The following KANSL1L variants were observed in gnomAD, a reference collection of about 807,000 sequenced individuals.
KANSL1L encodes KAT8 regulatory NSL complex subunit 1 like.
Under a neutral mutation model 108.6 loss-of-function variants are expected in KANSL1L, and 25 were observed. The observed-to-expected ratio is 0.23, with a 90% CI of 0.17 to 0.32. KANSL1L has a LOEUF of 0.32. KANSL1L is among the 10% of genes least tolerant of loss of function. KANSL1L has a pLI of 1.00. For synonymous variants in KANSL1L, 405 were observed against 395.1 expected (o/e 1.03, Z -0.30); for missense variants, 1,137 against 1,125.7 (o/e 1.01, Z -0.14).
At chr2:210,084,590 CTG>C (rs369088097) in intron 5 of KANSL1L, among the ~76,000 whole-genome samples, 62 of 152,108 alleles carry the variant, frequency 4.1e-4, no homozygotes, top group African/African-American at 1.4e-3. Flanking sequence ...AAAATATACT[CTG>C]AGCAATATAG....
chr2:210,062,188 A>G (rs564767145), intron 6 of KANSL1L, among the ~76,000 whole-genome samples: 2 of 152,284 alleles, frequency 1.3e-5, no homozygotes, highest in Non-Finnish European at 2.9e-5. Context: ...GTGATAGTGA[A>G]TAAGTCTCAT....
intron 5 of KANSL1L, among the ~76,000 whole-genome samples, chr2:210,087,976 A>T (rs928121249): frequency 6.6e-6 from 1 of 150,932 alleles, no homozygotes; most frequent in Non-Finnish European, 1.5e-5. Context: ...AGGTGGTGTC[A>T]TTTTTTTTTC....
At chr2:210,146,472 C>T (rs1471041607) in intron 2 of KANSL1L, among the ~76,000 whole-genome samples, 1 of 152,216 alleles carries the variant, frequency 6.6e-6, no homozygotes, top group African/African-American at 2.4e-5. Context: ...TGCATAACTT[C>T]TGCAAAAGGG....
intron 3 of KANSL1L, among the ~76,000 whole-genome samples, chr2:210,105,308 ATATAT>A (rs1170199079): frequency 6.7e-6 from 1 of 148,164 alleles, no homozygotes; most frequent in Admixed American, 6.8e-5. Flanking sequence ...CTGATATTAC[ATATAT>A]TATATATTAT....
chr2:210,153,366 T>TAA (rs368253256), intron 2 of KANSL1L, 129 bp downstream of exon 2: 209 of 596,038 alleles, frequency 3.5e-4, no homozygotes, highest in South Asian at 6.1e-4. Flanking sequence ...AAATAAAAAT[T>TAA]AAAAAAAAAA....
At chr2:210,061,113 T>C (rs1440475183) in intron 6 of KANSL1L, among the ~76,000 whole-genome samples, 2 of 152,238 alleles carry the variant, frequency 1.3e-5, no homozygotes, top group Non-Finnish European at 2.9e-5. Flanking sequence ...AATACACTTC[T>C]TGACTTATTC....
At chr2:210,034,674 G>A (rs537652196) in intron 8 of KANSL1L, among the ~76,000 whole-genome samples, 4 of 152,332 alleles carry the variant, frequency 2.6e-5, no homozygotes, top group Non-Finnish European at 4.4e-5. Flanking sequence ...GTTGGACTGT[G>A]AGAGTAGTCG....
chr2:210,138,784 T>C (rs561216176), intron 2 of KANSL1L, among the ~76,000 whole-genome samples: 10 of 152,136 alleles, frequency 6.6e-5, no homozygotes, highest in Non-Finnish European at 1.0e-4. Context: ...GGTAACAACA[T>C]TGAAAATATC....
At chr2:210,024,499 T>TA (rs1175170185) in intron 13 of KANSL1L, among the ~76,000 whole-genome samples, 26 of 152,274 alleles carry the variant, frequency 1.7e-4, no homozygotes, top group Admixed American at 1.3e-4. Context: ...GCTCCTTAAC[T>TA]AAAGTGACTA....
At chr2:210,071,515 C>G (rs1337110820) in intron 6 of KANSL1L, among the ~76,000 whole-genome samples, 1 of 152,046 alleles carries the variant, frequency 6.6e-6, no homozygotes. Flanking sequence ...GTGATCCACC[C>G]CCCTCGGCCT....
intron 1 of KANSL1L, chr2:210,170,347 A>C: frequency 1.0e-6 from 1 of 985,234 alleles, no homozygotes; most frequent in Non-Finnish European, 1.2e-6. Flanking sequence ...CACAGTTCAA[A>C]CAAAAAAACA....
intron 6 of KANSL1L, among the ~76,000 whole-genome samples, chr2:210,057,324 C>A (rs989856458): frequency 6.6e-6 from 1 of 152,156 alleles, no homozygotes; most frequent in African/African-American, 2.4e-5. Flanking sequence ...ATCACTTGAA[C>A]CCTGGAGGCA....
At position 210,162,583 on chromosome 2, in the gene KANSL1L, T is replaced by C. The variant is rs374020857; in HGVS notation, c.-29-7972A>G. Among the ~76,000 whole-genome samples the C allele has an allele frequency of 1.3e-4, 20 of 152,168 alleles. 1 individual carries two copies. Among genetic ancestry groups the C allele is most frequent in the African/African-American group, 4.8e-4 (20 of 41,508 alleles). On this transcript the variant is annotated intron_variant, in intron 1 of 14. Coordinates refer to ENST00000281772, the MANE Select transcript of KANSL1L (RefSeq NM_152519.4). ...AGATTATTTTGCAGAGTCACTGGCA[T>C]ATAAATAGTATTTACCCTAGGGAGT...
At chr2:210,160,297 C>T (rs2095355010) in intron 1 of KANSL1L, among the ~76,000 whole-genome samples, 1 of 151,988 alleles carries the variant, frequency 6.6e-6, no homozygotes, top group Admixed American at 6.6e-5. Flanking sequence ...AGACATTTCT[C>T]ACCACTCATA....
At chr2:210,095,917 C>A (rs1201192667) in intron 5 of KANSL1L, among the ~76,000 whole-genome samples, 1 of 152,012 alleles carries the variant, frequency 6.6e-6, no homozygotes, top group African/African-American at 2.4e-5. Context: ...ACATTATGTA[C>A]CAACTATTTT....
chr2:210,103,890 T>C (rs1335503967), intron 4 of KANSL1L: 2 of 280,406 alleles, frequency 7.1e-6, no homozygotes, highest in Non-Finnish European at 1.3e-5. Context: ...CCAATTCCAT[T>C]ACTTTACATA....
intron 1 of KANSL1L, among the ~76,000 whole-genome samples, chr2:210,164,853 CTGTTTTTTTTTTTT>C (rs1480043692): frequency 1.4e-5 from 2 of 147,478 alleles, no homozygotes; most frequent in Non-Finnish European, 3.0e-5. Context: ...TTTATTTTTT[CTGTTTTTTTTTTTT>C]TGTTTTTTTT....
intron 7 of KANSL1L, 41 bp downstream of exon 7, chr2:210,043,898 A>C (rs778860506): frequency 7.3e-7 from 1 of 1,367,468 alleles, no homozygotes; most frequent in South Asian, 1.5e-5. Context: ...ATTTCAGTAC[A>C]GAAAATATCG....
rs776819610 is a variant in KANSL1L, at chr2:210,153,842, C to T, written c.741G>A (p.Met247Ile). 6.2e-7 allele frequency: 1 copy of T among 1,612,506 alleles called. No homozygotes were observed. Among genetic ancestry groups the T allele is most frequent in the South Asian group, 1.1e-5 (1 of 90,694 alleles). ...GCTTAACAACATGCTTTGCCAGGAG[C>T]ATCTGCAAATGTTTCTGAGTTCTTC... ...QARRTQKHLQ[M>I]LLAKHVVKHY... Residue 247 changes from methionine (M) to isoleucine (I), a missense_variant, in exon 2 of 15, where the codon ATG becomes ATA. Physicochemically the swap from Met to Ile is conservative, Grantham distance 10. Around this residue, in one of 3 missense-constraint regions of KANSL1L, gnomAD observed 556 missense variants for 537.7 expected, o/e 1.03. Transcript: ENST00000281772.
Sources: allele counts gnomAD v4.1 joint callset (sites outside exome capture counted in the v4.1 genomes callset), GRCh38; gene constraint gnomAD v4.1.1; regional missense constraint gnomAD v4.1.1; transcripts MANE v1.5; gene names NCBI Gene and HGNC (gene_info 2026-07-23, HGNC 2026-07-21).